The following C4orf36 variants were observed in gnomAD, a reference collection of about 807,000 sequenced individuals.
The protein encoded by C4orf36 is chromosome 4 open reading frame 36, also known as uncharacterized protein C4orf36.
C4orf36 carries 11 observed loss-of-function variants against 12.2 expected under a neutral mutation model. That is an observed-to-expected ratio of 0.90 (90% CI 0.57 to 1.49). The LOEUF (loss-of-function observed/expected upper bound fraction) is 1.49, where lower values mean the gene tolerates loss of function less well. Ranked by LOEUF, C4orf36 falls within the 40% of genes most tolerant of loss-of-function variation. The pLI is 0.00. For missense variants in C4orf36, 137 were observed against 133.9 expected, an observed-to-expected ratio of 1.02 and a Z score of -0.11; for synonymous variants, 54 against 51.3, an observed-to-expected ratio of 1.05 and a Z score of -0.22.
At chr4:86,928,218 A>G in the C4orf36 span, among the ~76,000 whole-genome samples, 2 of 152,354 alleles carry the variant, frequency 1.3e-5, no homozygotes, top group East Asian at 3.9e-4. Flanking sequence ...AGGTGAGACT[A>G]TTCAGGCATT....
the C4orf36 span, among the ~76,000 whole-genome samples, chr4:86,898,937 C>G: frequency 2.0e-5 from 3 of 151,944 alleles, no homozygotes; most frequent in Non-Finnish European, 2.9e-5. Context: ...TTCAAGAAAT[C>G]TGAACCTGCC....
intron 4 of C4orf36, among the ~76,000 whole-genome samples, chr4:86,884,566 A>C (rs372525051): frequency 2.1e-4 from 32 of 152,150 alleles, no homozygotes; most frequent in African/African-American, 7.2e-4. Context: ...CAGCCTCCGA[A>C]AGCACTGAGA....
the C4orf36 span, among the ~76,000 whole-genome samples, chr4:86,922,525 C>A: frequency 6.6e-6 from 1 of 152,142 alleles, no homozygotes; most frequent in Non-Finnish European, 1.5e-5. Flanking sequence ...TTCTCATTTG[C>A]CAGCTGGTGC....
chr4:86,880,502 A>G (rs1747027830), intron 4 of C4orf36, among the ~76,000 whole-genome samples: 1 of 152,178 alleles, frequency 6.6e-6, no homozygotes, highest in African/African-American at 2.4e-5. Flanking sequence ...AATATATTTG[A>G]AGTGCTAAAA....
chr4:86,901,476 C>T, the C4orf36 span, among the ~76,000 whole-genome samples: 5 of 151,890 alleles, frequency 3.3e-5, no homozygotes, highest in Non-Finnish European at 5.9e-5. Context: ...GGCGCGATCT[C>T]GGCTCACTGC....
intron 4 of C4orf36, among the ~76,000 whole-genome samples, chr4:86,882,820 G>T (rs984615048): frequency 1.8e-4 from 28 of 152,238 alleles, no homozygotes; most frequent in African/African-American, 6.3e-4. Flanking sequence ...TCATACATAT[G>T]TATAGCTTTC....
the C4orf36 span, among the ~76,000 whole-genome samples, chr4:86,910,081 T>C: frequency 6.6e-6 from 1 of 152,102 alleles, no homozygotes; most frequent in East Asian, 1.9e-4. Flanking sequence ...CCCCACTGCA[T>C]TTCATTTCTG....
chr4:86,885,476 C>G (rs1747154149), intron 4 of C4orf36, among the ~76,000 whole-genome samples: 1 of 152,144 alleles, frequency 6.6e-6, no homozygotes, highest in Non-Finnish European at 1.5e-5. Flanking sequence ...AATGGGAGTT[C>G]ATTCACGATT....
upstream of C4orf36, among the ~76,000 whole-genome samples, chr4:86,894,524 C>T (rs1286334138): frequency 6.6e-6 from 1 of 152,124 alleles, no homozygotes; most frequent in African/African-American, 2.4e-5. Context: ...ATGGTAAGTT[C>T]TCTTTTTATA....
intron 4 of C4orf36, chr4:86,887,205 A>G (rs1282487306): frequency 2.0e-5 from 3 of 152,208 alleles, no homozygotes; most frequent in Non-Finnish European, 4.4e-5. Context: ...TGGCCCATGT[A>G]TACATATGTA....
intron 4 of C4orf36, among the ~76,000 whole-genome samples, chr4:86,881,326 G>A (rs1018858661): frequency 2.1e-4 from 32 of 152,222 alleles, no homozygotes; most frequent in African/African-American, 3.9e-4. Context: ...AATGTTTTAC[G>A]TAAAAATGGT....
the C4orf36 span, among the ~76,000 whole-genome samples, chr4:86,911,014 CA>C: frequency 1.3e-5 from 2 of 152,116 alleles, no homozygotes; most frequent in Non-Finnish European, 2.9e-5. Flanking sequence ...ACCTGGGAGG[CA>C]GAAGTTGTAG....
the C4orf36 span, chr4:86,934,990 A>C: frequency 1.3e-5 from 2 of 152,010 alleles, no homozygotes; most frequent in East Asian, 1.9e-4. Flanking sequence ...CGTCCCGGGC[A>C]GCCGGCGTGC....
At chr4:86,888,541 C>G (rs1053924620) in intron 2 of C4orf36, among the ~76,000 whole-genome samples, 5 of 152,118 alleles carry the variant, frequency 3.3e-5, no homozygotes, top group African/African-American at 7.2e-5. Flanking sequence ...TCCATTCTTT[C>G]CATGTAAGAG....
At chr4:86,897,539 T>C in the C4orf36 span, among the ~76,000 whole-genome samples, 1 of 152,200 alleles carries the variant, frequency 6.6e-6, no homozygotes, top group Non-Finnish European at 1.5e-5. Context: ...AAAACTCCCA[T>C]TGTATCCTTA....
the C4orf36 span, among the ~76,000 whole-genome samples, chr4:86,909,893 T>TAA: frequency 4.2e-3 from 307 of 73,252 alleles, 2 homozygotes; most frequent in African/African-American, 0.014. Context: ...GAGGAAGACT[T>TAA]AAAAAAAAAA....
chr4:86,896,400 G>A (rs907922660), upstream of C4orf36, among the ~76,000 whole-genome samples: 4 of 152,120 alleles, frequency 2.6e-5, no homozygotes, highest in African/African-American at 9.7e-5. Context: ...TTAACTTAAT[G>A]TGTAAATCAC....
intron 4 of C4orf36, 101 bp from the exon 5 acceptor site, chr4:86,876,544 A>G: frequency 6.2e-7 from 1 of 1,613,960 alleles, no homozygotes; most frequent in Admixed American, 1.7e-5. Context: ...AAGCTATTGT[A>G]CAGTTTACAA....
At chr4:86,932,564 T>C in the C4orf36 span, among the ~76,000 whole-genome samples, 25 of 151,974 alleles carry the variant, frequency 1.6e-4, no homozygotes, top group Non-Finnish European at 7.4e-5. Context: ...TCTATCTTAA[T>C]GTTGTCTTCC....
Sources: allele counts gnomAD v4.1 joint callset (sites outside exome capture counted in the v4.1 genomes callset), GRCh38; gene constraint gnomAD v4.1.1; transcripts MANE v1.5; gene names NCBI Gene and HGNC (gene_info 2026-07-23, HGNC 2026-07-21).